The following TMEM232 variants were observed in gnomAD, a reference collection of about 807,000 sequenced individuals.
TMEM232 encodes the protein transmembrane protein 232.
A neutral mutation model predicts 78.8 loss-of-function variants in TMEM232; 80 were observed. That is an observed-to-expected ratio of 1.01 (90% CI 0.85 to 1.22). The LOEUF (loss-of-function observed/expected upper bound fraction) is 1.22, where lower values mean the gene tolerates loss of function less well. Ranked by LOEUF, TMEM232 falls within the 50% of genes most tolerant of loss-of-function variation. The pLI is 0.00. For missense variants in TMEM232, 881 were observed against 742.2 expected (o/e 1.19, Z -2.17); for synonymous variants, 297 against 254.3 (o/e 1.17, Z -1.60).
chr5:110,501,316 C>T (rs992978209), intron 12 of TMEM232, among the ~76,000 whole-genome samples: 1 of 151,942 alleles, frequency 6.6e-6, no homozygotes, highest in African/African-American at 2.4e-5. Context: ...GGCATCTAAG[C>T]TATTAATTAA....
At chr5:110,738,948 A>G, upstream of TMEM232, 5 of 1,431,890 alleles carry the variant, frequency 3.5e-6, no homozygotes, top group East Asian at 1.3e-4. Flanking sequence ...GGTTGCCGGA[A>G]GAGGCTATAA....
chr5:110,477,730 T>C (rs989193772), intron 12 of TMEM232, among the ~76,000 whole-genome samples: 2 of 151,886 alleles, frequency 1.3e-5, no homozygotes, highest in Admixed American at 1.3e-4. Flanking sequence ...GATAAACCAT[T>C]GTCAACTTAC....
intron 1 of TMEM232, among the ~76,000 whole-genome samples, chr5:110,736,979 C>T (rs1367862353): frequency 7.0e-6 from 1 of 142,366 alleles, no homozygotes; most frequent in Non-Finnish European, 1.5e-5. Flanking sequence ...AAGGTCACTT[C>T]TTCAGAGAGG....
At chr5:110,437,910 G>A (rs1030376650) in intron 12 of TMEM232, among the ~76,000 whole-genome samples, 1 of 152,030 alleles carries the variant, frequency 6.6e-6, no homozygotes, top group Non-Finnish European at 1.5e-5. Context: ...GAATATCTCA[G>A]GTGCTATTAC....
At chr5:110,693,055 A>AG (rs1191599827) in intron 1 of TMEM232, among the ~76,000 whole-genome samples, 2 of 152,262 alleles carry the variant, frequency 1.3e-5, no homozygotes, top group African/African-American at 4.8e-5. Context: ...AGCACCCCCC[A>AG]GTAGGGGCGG....
chr5:110,404,766 A>C (rs1202810547), intron 2 of TMEM232, among the ~76,000 whole-genome samples: 1 of 152,092 alleles, frequency 6.6e-6, no homozygotes, highest in Non-Finnish European at 1.5e-5. Context: ...AAAGAAAAAC[A>C]AGTGCTTCCT....
At chr5:110,487,213 G>T (rs1342863164) in intron 12 of TMEM232, among the ~76,000 whole-genome samples, 1 of 152,084 alleles carries the variant, frequency 6.6e-6, no homozygotes, top group African/African-American at 2.4e-5. Context: ...CTTTCTGGAG[G>T]AGTCTTTAGG....
At chr5:110,473,842 C>T (rs1392198443) in intron 12 of TMEM232, among the ~76,000 whole-genome samples, 2 of 84,768 alleles carry the variant, frequency 2.4e-5, no homozygotes, top group African/African-American at 9.4e-5. Context: ...TATGCAATAA[C>T]ATAGATAAAC....
chr5:110,418,028 G>C (rs1164411887), downstream of TMEM232: 1 of 152,108 alleles, frequency 6.6e-6, no homozygotes, highest in South Asian at 2.1e-4. Flanking sequence ...ATCCGAGTCC[G>C]GCTGTGTGAA....
chr5:110,431,256 A>T (rs1757808757), intron 12 of TMEM232, among the ~76,000 whole-genome samples: 1 of 151,644 alleles, frequency 6.6e-6, no homozygotes, highest in Non-Finnish European at 1.5e-5. Flanking sequence ...GAAACTTTAC[A>T]GTTTCTGAAA....
chr5:110,623,824 T>C (rs1784082388), intron 7 of TMEM232, among the ~76,000 whole-genome samples: 2 of 152,138 alleles, frequency 1.3e-5, no homozygotes, highest in African/African-American at 4.8e-5. Context: ...CAGGATCACA[T>C]AGATAAAGCT....
chr5:110,438,185 A>C (rs1355264978), intron 12 of TMEM232, among the ~76,000 whole-genome samples: 1 of 122,832 alleles, frequency 8.1e-6, no homozygotes, highest in South Asian at 2.3e-4. Flanking sequence ...CAGTATTTTG[A>C]GTAAATTCAA....
chr5:110,658,574 T>C (rs1789390822), intron 2 of TMEM232, among the ~76,000 whole-genome samples: 1 of 152,166 alleles, frequency 6.6e-6, no homozygotes, highest in Admixed American at 6.5e-5. Flanking sequence ...TACTTCCTTT[T>C]CTAAATGATT....
chr5:110,577,330 T>A (rs1777678524), intron 10 of TMEM232, among the ~76,000 whole-genome samples: 1 of 152,070 alleles, frequency 6.6e-6, no homozygotes, highest in Admixed American at 6.6e-5. Context: ...TGAGATACCA[T>A]CTTACACCAG....
At position 110,420,531 on chromosome 5, in the gene TMEM232, T is replaced by C. The variant is rs12654799; in HGVS notation, c.*49A>G. The C allele has an allele frequency of 8.4e-6, 10 of 1,188,228 alleles. No homozygotes were observed. In the East Asian group the frequency reaches 1.8e-4, roughly 22 times the overall value. The allele number at this position is 1,188,228 out of a possible 1,614,324, so 73.6% of individuals were successfully genotyped here. On this transcript the variant is annotated 3_prime_UTR_variant, in exon 14 of 14. Coordinates refer to ENST00000455884, the MANE Select transcript of TMEM232 (RefSeq NM_001039763.4). ...ATCTTGGTATTTTTCATCCTATGTA[T>C]TTCTGCCATGTAGTCCTCAATTTTG... is the stretch of plus-strand genomic sequence containing the variant.
At chr5:110,414,437 TTCTATC>T in intron 2 of TMEM232, among the ~76,000 whole-genome samples, 1 of 152,278 alleles carries the variant, frequency 6.6e-6, no homozygotes, top group African/African-American at 2.4e-5. Flanking sequence ...ATATCTCTAA[TTCTATC>T]TCTATCTATA....
intron 11 of TMEM232, among the ~76,000 whole-genome samples, chr5:110,565,910 T>G (rs1284833452): frequency 6.6e-6 from 1 of 151,956 alleles, no homozygotes; most frequent in Non-Finnish European, 1.5e-5. Flanking sequence ...CAGTCAATTT[T>G]CATCATTTAT....
chr5:110,623,631 G>A (rs1352531174), intron 7 of TMEM232, among the ~76,000 whole-genome samples: 1 of 152,108 alleles, frequency 6.6e-6, no homozygotes, highest in East Asian at 1.9e-4. Context: ...AAACTGGGCT[G>A]AAACTGGGGA....
chr5:110,559,693 T>C (rs1012293892), intron 11 of TMEM232, among the ~76,000 whole-genome samples: 1 of 152,210 alleles, frequency 6.6e-6, no homozygotes, highest in African/African-American at 2.4e-5. Context: ...GTAAGGATTA[T>C]GTATTAGTTC....
Sources: allele counts gnomAD v4.1 joint callset (sites outside exome capture counted in the v4.1 genomes callset), GRCh38; gene constraint gnomAD v4.1.1; transcripts MANE v1.5; gene names NCBI Gene and HGNC (gene_info 2026-07-23, HGNC 2026-07-21).